LAMB1: variants seen among roughly 807,000 people sequenced by gnomAD.
The protein encoded by LAMB1 is laminin subunit beta 1.
Under a neutral mutation model 222.3 loss-of-function variants are expected in LAMB1, and 121 were observed. The ratio of observed to expected loss-of-function variants is 0.54; its 90% CI spans 0.47 to 0.63. LAMB1 has a LOEUF of 0.63. LAMB1 is among the 30% of genes least tolerant of loss of function. LAMB1 has a pLI of 0.00. For missense variants in LAMB1, 2,172 were observed against 2,240.8 expected, an observed-to-expected ratio of 0.97 and a Z score of 0.62; for synonymous variants, 794 against 807.2, an observed-to-expected ratio of 0.98 and a Z score of 0.28.
rs764283285 is a variant in LAMB1, at chr7:107,952,130, G to A, written c.3173C>T (p.Pro1058Leu). Residue 1058 changes from proline to leucine, a missense_variant, in exon 23 of 34, where the codon CCT (proline) becomes CTT (leucine). Transcript: ENST00000222399. ...GTCACAGTTCTGCCCGATCACATTA[G>A]GAAGACACAAGCACTGACCAGTGGC... Reference protein sequence around the residue: ...DKATGQCLCLPNVIGQNCDRC... With the variant: ...DKATGQCLCLLNVIGQNCDRC... The A allele has an allele frequency of 1.9e-6, 3 of 1,614,088 alleles. No individual in the cohort carries two copies. The highest frequency in any genetic ancestry group is 2.2e-5 in the South Asian group (2 of 91,020).
intron 31 of LAMB1, among the ~76,000 whole-genome samples, chr7:107,928,530 T>G (rs971615770): frequency 7.2e-5 from 11 of 152,098 alleles, no homozygotes; most frequent in Non-Finnish European, 1.5e-4. Flanking sequence ...GGAGTCTCTG[T>G]TGCCCAGACT....
Position 107,940,149 on chromosome 7 carries a change from G to A in LAMB1, c.3601C>T (p.Leu1201=). The change falls in exon 25 of 34, where the codon CTG becomes TTG. Residue 1201 remains leucine (L), a synonymous_variant. Transcript: ENST00000222399. ...ATCTTCAAGGCCTTGGCTTTCTCCA[G>A]GAATCTGTGTGTCCTGTTGGTCAGC... ...AELTNRTHRF[L]EKAKALKISG... is the part of the protein sequence containing the mutation. 1 of 1,614,130 alleles carries A rather than the reference G, an allele frequency of 6.2e-7. No individual in the cohort carries two copies. The highest frequency in any genetic ancestry group is 2.2e-5 in the East Asian group (1 of 44,872).
intron 24 of LAMB1, among the ~76,000 whole-genome samples, chr7:107,940,951 TAAACATGATCA>T (rs1463092975): frequency 6.6e-6 from 1 of 152,188 alleles, no homozygotes; most frequent in Non-Finnish European, 1.5e-5. Flanking sequence ...TGAAATGCAA[TAAACATGATCA>T]AAACAAAACA....
At chr7:107,995,740 A>G (rs2034269738) in intron 4 of LAMB1, among the ~76,000 whole-genome samples, 1 of 152,100 alleles carries the variant, frequency 6.6e-6, no homozygotes, top group South Asian at 2.1e-4. Context: ...TAGAGCTCTC[A>G]AGCCTGCCTG....
intron 16 of LAMB1, 92 bp from the exon 17 acceptor site, chr7:107,961,421 T>C: frequency 1.3e-6 from 2 of 1,575,536 alleles, no homozygotes; most frequent in Non-Finnish European, 1.7e-6. Flanking sequence ...GCATCGATAA[T>C]TCCAAAGGAA....
At chr7:107,964,873 T>C (rs1251884748) in intron 13 of LAMB1, among the ~76,000 whole-genome samples, 186 bp from the exon 14 acceptor site, 1 of 152,230 alleles carries the variant, frequency 6.6e-6, no homozygotes, top group Non-Finnish European at 1.5e-5. Context: ...TCCAGAAGCG[T>C]GGCTGAGAAC....
At chr7:107,992,715 G>A (rs935822065) in intron 5 of LAMB1, among the ~76,000 whole-genome samples, 2 of 152,098 alleles carry the variant, frequency 1.3e-5, no homozygotes, top group Non-Finnish European at 2.9e-5. Flanking sequence ...GGCCAACATG[G>A]TGAAACCTGC....
chr7:107,971,158 TC>T (rs1176387645), intron 13 of LAMB1, among the ~76,000 whole-genome samples: 1 of 152,226 alleles, frequency 6.6e-6, no homozygotes, highest in Non-Finnish European at 1.5e-5. Context: ...TTTTACCACT[TC>T]CAGTGATTTT....
chr7:107,953,404 G>T, intron 22 of LAMB1, 126 bp downstream of exon 22: 2 of 732,746 alleles, frequency 2.7e-6, no homozygotes, highest in Non-Finnish European at 4.5e-6. Context: ...AGTTGAAAGT[G>T]AAATTTTACC....
intron 4 of LAMB1, among the ~76,000 whole-genome samples, chr7:107,996,093 G>A (rs1465387802): frequency 6.6e-6 from 1 of 152,014 alleles, no homozygotes; most frequent in Non-Finnish European, 1.5e-5. Context: ...TTATTTTTGA[G>A]TGAAATGTTA....
chr7:107,930,830 A>G lies in LAMB1; in HGVS notation c.4537+526T>C, dbSNP rs77129882. ...ATGTGGGTCGCAGACCCAGGAAGCT[A>G]TCCTGCTACTGGATATCTTATTAAG... On this transcript the variant is annotated intron_variant, in intron 29 of 33. Transcript: ENST00000222399. Among the ~76,000 whole-genome samples, 396 of 152,322 alleles carry G rather than the reference A, an allele frequency of 2.6e-3. 3 individuals are homozygous for G. The highest frequency in any genetic ancestry group is 9.1e-3 in the African/African-American group (379 of 41,576).
rs527248660 is a variant in LAMB1, at chr7:107,958,332, T to G, written c.2690+917A>C. On this transcript the variant is annotated intron_variant, in intron 20 of 33. Coordinates refer to ENST00000222399, the MANE Select transcript of LAMB1 (RefSeq NM_002291.3). Reference sequence around the variant, plus strand: ...TCCGTGGGACCTCCAAATTCTTGAGTACCGTTCTAGCATTGAGCCGAGAGC... The same window carrying G: ...TCCGTGGGACCTCCAAATTCTTGAGGACCGTTCTAGCATTGAGCCGAGAGC... 5.9e-5 allele frequency among the ~76,000 whole-genome samples: 9 copies of G among 152,340 alleles called. No homozygotes were observed. In the South Asian group the frequency reaches 1.2e-3, roughly 21 times the overall value.
intron 9 of LAMB1, among the ~76,000 whole-genome samples, chr7:107,977,482 C>T (rs565760939): frequency 2.6e-5 from 4 of 152,246 alleles, no homozygotes; most frequent in South Asian, 2.1e-4. Flanking sequence ...TTTTCTCTCA[C>T]GGTCATCTTG....
At chr7:107,944,280 A>G (rs2033062774) in intron 24 of LAMB1, among the ~76,000 whole-genome samples, 1 of 152,132 alleles carries the variant, frequency 6.6e-6, no homozygotes, top group Non-Finnish European at 1.5e-5. Context: ...ATTCTGTCAT[A>G]GGCATCTTTA....
intron 5 of LAMB1, among the ~76,000 whole-genome samples, chr7:107,987,345 C>G (rs2034098849): frequency 6.6e-6 from 1 of 152,028 alleles, no homozygotes; most frequent in Non-Finnish European, 1.5e-5. Flanking sequence ...TGAAAAAGTT[C>G]TGGAAATAGA....
chr7:107,968,250 T>A (rs147153365), intron 13 of LAMB1, among the ~76,000 whole-genome samples: 3 of 152,214 alleles, frequency 2.0e-5, no homozygotes, highest in Non-Finnish European at 4.4e-5. Flanking sequence ...TGTGTTCAAG[T>A]AAAAATCAAA....
At chr7:107,924,111 A>T (rs1369938634) in intron 33 of LAMB1, 24 bp from the exon 34 acceptor site, 1 of 1,516,548 alleles carries the variant, frequency 6.6e-7, no homozygotes. Flanking sequence ...TATATATATA[A>T]AGTCTGAGCA....
At chr7:107,938,597 T>G (rs531900963) in intron 25 of LAMB1, among the ~76,000 whole-genome samples, 122 of 152,296 alleles carry the variant, frequency 8.0e-4, no homozygotes, top group Middle Eastern at 3.4e-3. Context: ...GTTTTGGGAA[T>G]GTAATCTCTC....
chr7:107,976,861 TTCCTTCCTTCCTTTCCTCTTG>T, intron 9 of LAMB1, among the ~76,000 whole-genome samples: 1 of 30,126 alleles, frequency 3.3e-5, no homozygotes, highest in Non-Finnish European at 6.9e-5. Context: ...TTTCCTCTCC[TTCCTTCCTTCCTTTCCTCTTG>T]CTCCTTCCTT....
Sources: gnomAD v4.1 joint callset for allele counts (sites outside exome capture counted in the v4.1 genomes callset) on GRCh38, gnomAD v4.1.1 for gene constraint, MANE v1.5 for transcripts, NCBI Gene and HGNC (gene_info 2026-07-23, HGNC 2026-07-21) for gene names.